The following NUP188 variants were observed in gnomAD, a reference collection of about 807,000 sequenced individuals.
NUP188 encodes nucleoporin NUP188.
In NUP188, 97 loss-of-function variants were observed where a neutral mutation model predicts 223.0. That is an observed-to-expected ratio of 0.43 (90% CI 0.37 to 0.51). NUP188 has a LOEUF of 0.51. Ranked by LOEUF, NUP188 falls within the 20% of genes least tolerant of loss-of-function variation. The pLI is 0.00. For missense variants in NUP188, 1,947 were observed against 2,175.6 expected (o/e 0.89, Z 2.09); for synonymous variants, 869 against 828.0 (o/e 1.05, Z -0.85).
chr9:128,972,287 A>T (rs1842115107), intron 11 of NUP188, among the ~76,000 whole-genome samples: 1 of 152,226 alleles, frequency 6.6e-6, no homozygotes, highest in Non-Finnish European at 1.5e-5. Context: ...TCAAACCATG[A>T]AAAGACATGG....
intron 12 of NUP188, among the ~76,000 whole-genome samples, chr9:128,978,183 C>T (rs2131162492): frequency 6.6e-6 from 1 of 152,174 alleles, no homozygotes; most frequent in South Asian, 2.1e-4. Context: ...CTGCAGTGAG[C>T]TATGATGGTG....
chr9:128,999,603 C>T (rs1842601715), intron 33 of NUP188, 21 bp from the exon 34 acceptor site: 3 of 1,606,570 alleles, frequency 1.9e-6, no homozygotes, highest in East Asian at 4.5e-5. Context: ...ATGACAGTGT[C>T]CCTCCCTGTC....
At chr9:128,985,428 AT>A (rs1212934281) in intron 20 of NUP188, among the ~76,000 whole-genome samples, 2 of 152,276 alleles carry the variant, frequency 1.3e-5, no homozygotes, top group African/African-American at 4.8e-5. Context: ...GATATTTTCT[AT>A]TCAGTCTCCT....
At chr9:128,972,819 T>C in intron 11 of NUP188, among the ~76,000 whole-genome samples, 1 of 152,198 alleles carries the variant, frequency 6.6e-6, no homozygotes. Context: ...CTGGTTGGCT[T>C]ATCTTGGTGG....
chr9:128,995,385 C>T lies in NUP188; in HGVS notation c.3222C>T (p.Tyr1074=). ...KKFSIEKRFA[Y]WSGYVKSLAV... is the part of the protein sequence containing the mutation. The stretch of plus-strand genomic sequence containing the variant: ...TTTCCATCGAGAAACGCTTTGCCTA[C>T]TGGTCAGGGTATGTCAAGTCATTGG... The change falls in exon 30 of 44, where the codon TAC becomes TAT. Residue 1074 remains tyrosine (Y), a synonymous_variant. Coordinates refer to ENST00000372577, the MANE Select transcript of NUP188 (RefSeq NM_015354.3). 1 of 1,614,148 alleles carries T rather than the reference C, an allele frequency of 6.2e-7. No individual in the cohort carries two copies. Among genetic ancestry groups the T allele is most frequent in the East Asian group, 2.2e-5 (1 of 44,886 alleles).
At chr9:128,988,378 C>T (rs950716241) in intron 24 of NUP188, among the ~76,000 whole-genome samples, 192 bp downstream of exon 24, 1 of 152,170 alleles carries the variant, frequency 6.6e-6, no homozygotes, top group Non-Finnish European at 1.5e-5. Context: ...TTATTTCTGC[C>T]TCCTATTGAT....
Position 128,998,611 on chromosome 9 carries a change from G to C in NUP188, c.3503G>C (p.Arg1168Pro), listed in dbSNP as rs779160012. The C allele has an allele frequency of 6.2e-7, 1 of 1,613,868 alleles. No homozygotes were observed. The highest frequency in any genetic ancestry group is 8.5e-7 in the Non-Finnish European group (1 of 1,179,832). Residue 1168 changes from arginine (R) to proline (P), a missense_variant, in exon 32 of 44, where the codon CGG (arginine) becomes CCG (proline). By Grantham distance (103) the Arg-to-Pro change is moderately radical (BLOSUM62 -2). Transcript: ENST00000372577. ...TGCACTCTGCTGCTTATCCTCCTCC[G>C]GCAGTGGAAGAGGTGAGGCTGTGCC... ...MKCTLLLILL[R>P]QWKRELGSVD...
chr9:128,950,417 C>T (rs1841766245), intron 2 of NUP188, among the ~76,000 whole-genome samples: 1 of 151,474 alleles, frequency 6.6e-6, no homozygotes, highest in Admixed American at 6.6e-5. Flanking sequence ...GATGGGGTTT[C>T]ACCATGTTGG....
chr9:128,969,156 A>G (rs1406641767), intron 9 of NUP188, among the ~76,000 whole-genome samples: 5 of 152,146 alleles, frequency 3.3e-5, no homozygotes, highest in African/African-American at 1.2e-4. Flanking sequence ...AAAGATATAT[A>G]CCAGTTAATT....
At chr9:129,001,288 C>T (rs1434661303) in intron 34 of NUP188, among the ~76,000 whole-genome samples, 3 of 151,768 alleles carry the variant, frequency 2.0e-5, no homozygotes, top group Admixed American at 2.0e-4. Flanking sequence ...AGGGAAGAGG[C>T]GGGGGTAGCT....
intron 8 of NUP188, among the ~76,000 whole-genome samples, chr9:128,961,026 A>T (rs989135473): frequency 4.0e-5 from 6 of 149,892 alleles, no homozygotes; most frequent in African/African-American, 1.5e-4. Context: ...CAGAGGTTGC[A>T]GTGAGCCAAG....
chr9:128,980,345 A>G (rs1842237773), intron 13 of NUP188, among the ~76,000 whole-genome samples: 1 of 152,198 alleles, frequency 6.6e-6, no homozygotes, highest in South Asian at 2.1e-4. Context: ...GCACAGGTGA[A>G]CAATACTGTC....
At position 128,959,136 on chromosome 9, in the gene NUP188, T is replaced by G; in HGVS notation, c.585+2T>G. The G allele has an allele frequency of 6.3e-7, 1 of 1,586,636 alleles. No individual in the cohort carries two copies. The highest frequency in any genetic ancestry group is 8.6e-7 in the Non-Finnish European group (1 of 1,167,994). ...TGGGAGACACATGGAAATCTCATGG[T>G]ATGTGGTTACTGTGCTCTCCTGTAA... is the stretch of plus-strand genomic sequence containing the variant. On this transcript the variant is annotated splice_donor_variant, in intron 8 of 43. Transcript: ENST00000372577. LOFTEE classifies it high-confidence loss of function.
intron 22 of NUP188, among the ~76,000 whole-genome samples, chr9:128,987,088 A>AGTGTGT (rs376346210): frequency 2.7e-3 from 304 of 113,314 alleles, no homozygotes; most frequent in East Asian, 0.01. Flanking sequence ...AGAGAGAGAG[A>AGTGTGT]GTGTGTGTGT....
rs766797091 is a variant in NUP188 at position 128,979,315 on chromosome 9, G to A, written c.1257G>A (p.Leu419=). Residue 419 remains leucine, a synonymous_variant, in exon 13 of 44, where the codon CTG becomes CTA. Transcript: ENST00000372577. Reference sequence around the variant, plus strand: ...TGGCCGACCCTTCTCTTCCGGAACTGTTCTGGGGAACAGTAAGTATGTCAG... The same window carrying A: ...TGGCCGACCCTTCTCTTCCGGAACTATTCTGGGGAACAGTAAGTATGTCAG... ...EVLADPSLPE[L]FWGTEPTSGL... 4 of 1,611,162 alleles carry A rather than the reference G, an allele frequency of 2.5e-6. No individual in the cohort carries two copies. The highest frequency in any genetic ancestry group is 3.4e-6 in the Non-Finnish European group (4 of 1,177,714).
At chr9:128,997,089 A>T (rs1296516250) in intron 30 of NUP188, among the ~76,000 whole-genome samples, 1 of 152,226 alleles carries the variant, frequency 6.6e-6, no homozygotes, top group Non-Finnish European at 1.5e-5. Flanking sequence ...CATGAGATAG[A>T]AGTAGTCAGG....
chr9:129,002,067 C>T, intron 36 of NUP188, 91 bp downstream of exon 36: 1 of 1,055,300 alleles, frequency 9.5e-7, no homozygotes, highest in Non-Finnish European at 1.5e-6. Context: ...CCGGAAGTTG[C>T]TTTCCTCTAA....
chr9:128,970,709 A>G (rs370568908), intron 10 of NUP188, 49 bp from the exon 11 acceptor site: 3 of 1,519,354 alleles, frequency 2.0e-6, no homozygotes, highest in Non-Finnish European at 2.7e-6. Flanking sequence ...GTCGAGGGAT[A>G]TTAACACTTT....
Position 128,993,515 on chromosome 9 carries a change from C to T in NUP188, c.2848-10C>T. The T allele has an allele frequency of 6.2e-7, 1 of 1,614,020 alleles. No individual in the cohort carries two copies. On this transcript the variant is annotated splice_polypyrimidine_tract_variant and intron_variant, in intron 26 of 43. Coordinates refer to ENST00000372577, the MANE Select transcript of NUP188 (RefSeq NM_015354.3). The stretch of plus-strand genomic sequence containing the variant: ...TGTGGAACTGAACTCTTACCTGTCC[C>T]TTCTTGCAGGAATTCAGCCTTGGGA...
Sources: gnomAD v4.1 joint callset for allele counts (sites outside exome capture counted in the v4.1 genomes callset) on GRCh38, gnomAD v4.1.1 for gene constraint, MANE v1.5 for transcripts, NCBI Gene and HGNC (gene_info 2026-07-23, HGNC 2026-07-21) for gene names.